SRRM4: variants seen among roughly 807,000 people sequenced by gnomAD.
The protein encoded by SRRM4 is serine/arginine repetitive matrix 4.
In SRRM4, 33 loss-of-function variants were observed where a neutral mutation model predicts 68.9. That is an observed-to-expected ratio of 0.48 (90% CI 0.36 to 0.64). SRRM4 has a LOEUF of 0.64. SRRM4 is among the 30% of genes least tolerant of loss of function. The pLI is 0.00. For synonymous variants in SRRM4, 318 were observed against 318.8 expected (o/e 1.00, Z 0.03); for missense variants, 817 against 827.1 (o/e 0.99, Z 0.15).
chr12:119,029,010 G>A (rs1297780605), intron 1 of SRRM4, among the ~76,000 whole-genome samples: 1 of 152,176 alleles, frequency 6.6e-6, no homozygotes, highest in Non-Finnish European at 1.5e-5. Flanking sequence ...CTTAGAGACA[G>A]AAAGGGACAA....
intron 1 of SRRM4, among the ~76,000 whole-genome samples, chr12:119,002,672 T>C (rs1953392182): frequency 6.6e-6 from 1 of 152,182 alleles, no homozygotes; most frequent in South Asian, 2.1e-4. Flanking sequence ...CAGCCTTATC[T>C]CTATTCAACC....
intron 7 of SRRM4, among the ~76,000 whole-genome samples, chr12:119,127,728 C>CAA (rs140110081): frequency 7.6e-6 from 1 of 131,026 alleles, no homozygotes; most frequent in Admixed American, 7.5e-5. Flanking sequence ...AAGTCTGTCT[C>CAA]AAAAAAAAAA....
intron 2 of SRRM4, among the ~76,000 whole-genome samples, chr12:119,105,268 C>T (rs140738909): frequency 0.019 from 2,925 of 151,960 alleles, 88 homozygotes; most frequent in African/African-American, 0.067. Context: ...TGAATAGTGC[C>T]GCAATAAACA....
intron 8 of SRRM4, among the ~76,000 whole-genome samples, chr12:119,141,854 G>A (rs896460950): frequency 6.6e-6 from 1 of 152,190 alleles, no homozygotes; most frequent in Non-Finnish European, 1.5e-5. Flanking sequence ...ATTTTTGAAT[G>A]AGTGAGTGAA....
intron 1 of SRRM4, among the ~76,000 whole-genome samples, chr12:119,058,078 G>C (rs1438158826): frequency 6.6e-6 from 1 of 152,166 alleles, no homozygotes; most frequent in Non-Finnish European, 1.5e-5. Context: ...GGAACAGTAG[G>C]TGCAAAGCAT....
intron 1 of SRRM4, among the ~76,000 whole-genome samples, chr12:119,048,114 C>T (rs1209024099): frequency 6.6e-6 from 1 of 152,162 alleles, no homozygotes; most frequent in East Asian, 1.9e-4. Flanking sequence ...CCCTGTGAAA[C>T]AAGAATTAGA....
At chr12:119,120,377 G>A (rs1322627485) in intron 5 of SRRM4, 101 bp downstream of exon 5, 4 of 1,242,408 alleles carry the variant, frequency 3.2e-6, no homozygotes, top group Non-Finnish European at 3.4e-6. Flanking sequence ...GTGCTCTTAG[G>A]CATGACCCCT....
intron 1 of SRRM4, among the ~76,000 whole-genome samples, chr12:119,074,708 C>A (rs1352473247): frequency 6.6e-6 from 1 of 152,096 alleles, no homozygotes; most frequent in Non-Finnish European, 1.5e-5. Context: ...AGACAGCCTA[C>A]ACAATGACAT....
At chr12:119,074,008 T>C (rs1388102131) in intron 1 of SRRM4, among the ~76,000 whole-genome samples, 1 of 152,110 alleles carries the variant, frequency 6.6e-6, no homozygotes, top group East Asian at 1.9e-4. Flanking sequence ...AATAAGATAA[T>C]ATATGTAAAG....
chr12:119,002,392 T>A (rs1370058665), intron 1 of SRRM4, among the ~76,000 whole-genome samples: 1 of 152,114 alleles, frequency 6.6e-6, no homozygotes, highest in Admixed American at 6.5e-5. Context: ...GCACTTGGTA[T>A]ATGAAGATGA....
chr12:119,147,863 T>G (rs78202983), intron 9 of SRRM4, among the ~76,000 whole-genome samples: 2,445 of 152,302 alleles, frequency 0.016, 73 homozygotes, highest in African/African-American at 0.056. Flanking sequence ...ATCACTGAGG[T>G]TACTGTCATC....
At chr12:119,126,434 A>G (rs1164609013) in intron 7 of SRRM4, among the ~76,000 whole-genome samples, 1 of 152,202 alleles carries the variant, frequency 6.6e-6, no homozygotes. Flanking sequence ...GGGGGGGTTA[A>G]GGACTTTACT....
chr12:118,999,153 C>T (rs547732416), intron 1 of SRRM4, among the ~76,000 whole-genome samples: 2 of 152,320 alleles, frequency 1.3e-5, no homozygotes, highest in East Asian at 3.9e-4. Context: ...ACCCAGCCCC[C>T]ACACTGCTGA....
In SRRM4 at chr12:119,145,584, C is replaced by T; in HGVS notation, c.975C>T (p.Gly325=). Residue 325 remains glycine (G), a synonymous_variant, in exon 9 of 13, where the codon GGC becomes GGT. Coordinates refer to ENST00000267260, the MANE Select transcript of SRRM4 (RefSeq NM_194286.4). ...GCAAGAGCCGGGAGCTCAACAGTGG[C>T]AACACCTCTGATTCAGGGAACTCCT... is the stretch of plus-strand genomic sequence containing the variant. ...GLSKSRELNS[G]NTSDSGNSFT... 6.3e-7 allele frequency: 1 copy of T among 1,595,160 alleles called. No individual in the cohort carries two copies.
At chr12:119,085,867 G>A (rs915004405) in intron 1 of SRRM4, among the ~76,000 whole-genome samples, 1 of 152,128 alleles carries the variant, frequency 6.6e-6, no homozygotes, top group East Asian at 1.9e-4. Flanking sequence ...AAAGAGGATG[G>A]AGGGTGGTGG....
intron 4 of SRRM4, among the ~76,000 whole-genome samples, chr12:119,117,315 A>T (rs1210093011): frequency 6.6e-6 from 1 of 152,182 alleles, no homozygotes; most frequent in African/African-American, 2.4e-5. Flanking sequence ...TGGGACCTGA[A>T]GTGCCCGCTG....
At chr12:119,061,478 T>C (rs1424409381) in intron 1 of SRRM4, among the ~76,000 whole-genome samples, 1 of 152,184 alleles carries the variant, frequency 6.6e-6, no homozygotes, top group Non-Finnish European at 1.5e-5. Context: ...ACCTGGCTGT[T>C]GCAGCCGTCC....
chr12:119,015,066 A>C (rs1340447847), intron 1 of SRRM4, among the ~76,000 whole-genome samples: 3 of 152,218 alleles, frequency 2.0e-5, no homozygotes, highest in Admixed American at 1.3e-4. Flanking sequence ...GCAATGAAGC[A>C]GTCAAAATGA....
chr12:119,082,466 C>T (rs1451822392), intron 1 of SRRM4, among the ~76,000 whole-genome samples: 1 of 152,226 alleles, frequency 6.6e-6, no homozygotes, highest in Non-Finnish European at 1.5e-5. Context: ...GGAGAATGTG[C>T]TCGTGATTTC....
Sources: gnomAD v4.1 joint callset for allele counts (sites outside exome capture counted in the v4.1 genomes callset) on GRCh38, gnomAD v4.1.1 for gene constraint, MANE v1.5 for transcripts, NCBI Gene and HGNC (gene_info 2026-07-23, HGNC 2026-07-21) for gene names.